PHB1: variants seen among roughly 807,000 people sequenced by gnomAD.
PHB1 encodes prohibitin 1.
the PHB1 span, chr17:49,409,244 C>T: frequency 6.3e-7 from 1 of 1,588,892 alleles, no homozygotes. Context: ...CACATCCCAA[C>T]CAACCCACTG....
chr17:49,413,960 G>C, the PHB1 span, among the ~76,000 whole-genome samples: 2 of 151,972 alleles, frequency 1.3e-5, no homozygotes, highest in Non-Finnish European at 2.9e-5. Flanking sequence ...CCCAAAAAGA[G>C]GCTGTGAGGT....
the PHB1 span, chr17:49,414,172 A>G: frequency 6.6e-6 from 1 of 152,188 alleles, no homozygotes; most frequent in South Asian, 2.1e-4. Context: ...TGAGAAGCCG[A>G]GATTGCAGTT....
chr17:49,409,519 T>C, the PHB1 span: 3 of 1,469,816 alleles, frequency 2.0e-6, no homozygotes, highest in Non-Finnish European at 1.9e-6. Context: ...AAAACCACTG[T>C]AGGAAAACAA....
chr17:49,404,912 G>A, the PHB1 span: 2 of 903,626 alleles, frequency 2.2e-6, no homozygotes, highest in Non-Finnish European at 3.5e-6. Flanking sequence ...TTTCTGGGGT[G>A]GGAGCAGAAG....
the PHB1 span, chr17:49,411,565 G>A: frequency 2.3e-6 from 2 of 882,914 alleles, no homozygotes; most frequent in Non-Finnish European, 3.6e-6. Context: ...TTCCTATGAT[G>A]TACAGTTCAA....
the PHB1 span, chr17:49,404,677 C>T: frequency 9.7e-6 from 4 of 410,796 alleles, no homozygotes; most frequent in South Asian, 2.1e-5. Context: ...GCCCCGCCTG[C>T]GTGCTGCCAA....
chr17:49,409,487 A>G, the PHB1 span: 3 of 1,610,428 alleles, frequency 1.9e-6, no homozygotes, highest in Non-Finnish European at 2.5e-6. Flanking sequence ...AGGGTAGGGG[A>G]CAAACACTGG....
chr17:49,413,155 C>T, the PHB1 span: 12 of 1,550,588 alleles, frequency 7.7e-6, no homozygotes, highest in Admixed American at 6.7e-5. Context: ...GTGCAGTGAC[C>T]CACTGTCCCT....
the PHB1 span, among the ~76,000 whole-genome samples, chr17:49,411,501 A>G: frequency 3.9e-5 from 6 of 152,140 alleles, no homozygotes; most frequent in African/African-American, 1.4e-4. Context: ...CCCAGCCATA[A>G]GTGGGTATTT....
the PHB1 span, chr17:49,412,997 G>T: frequency 1.8e-6 from 1 of 563,418 alleles, no homozygotes; most frequent in Non-Finnish European, 3.2e-6. Flanking sequence ...ACCTATGACT[G>T]AAAGGTCAGG....
chr17:49,411,879 C>A, the PHB1 span: 1 of 1,591,460 alleles, frequency 6.3e-7, no homozygotes. Context: ...AAAATCCTCT[C>A]ATCCTTTAAA....
the PHB1 span, chr17:49,409,549 T>TG: frequency 3.1e-6 from 3 of 954,614 alleles, no homozygotes; most frequent in Admixed American, 2.8e-5. Flanking sequence ...TTTTGTTTTT[T>TG]TTTTTTTTTG....
chr17:49,414,070 G>C, the PHB1 span, among the ~76,000 whole-genome samples: 5 of 152,110 alleles, frequency 3.3e-5, no homozygotes, highest in Non-Finnish European at 7.4e-5. Context: ...ACTTATATCA[G>C]GTAGCCTAAT....
the PHB1 span, chr17:49,408,650 C>G: frequency 6.0e-6 from 1 of 166,170 alleles, no homozygotes; most frequent in Non-Finnish European, 1.3e-5. Context: ...AGGAAGCTCC[C>G]AGGAGTCAGG....
chr17:49,411,691 G>A, the PHB1 span: 2 of 1,613,898 alleles, frequency 1.2e-6, no homozygotes, highest in African/African-American at 1.3e-5. Context: ...TGCTACCAGT[G>A]ATGACTGGCA....
chr17:49,409,421 G>A, the PHB1 span: 1 of 1,614,156 alleles, frequency 6.2e-7, no homozygotes, highest in South Asian at 1.1e-5. Flanking sequence ...GAGGAAGCTG[G>A]CTGGCGACAG....
the PHB1 span, among the ~76,000 whole-genome samples, chr17:49,410,826 C>T: frequency 1.3e-5 from 2 of 152,190 alleles, no homozygotes; most frequent in Admixed American, 6.5e-5. Context: ...AGAAAACAGA[C>T]GTAAAAGCAC....
the PHB1 span, among the ~76,000 whole-genome samples, chr17:49,413,520 T>C: frequency 2.6e-5 from 4 of 151,258 alleles, no homozygotes; most frequent in African/African-American, 9.7e-5. Flanking sequence ...TCCTTTTTTT[T>C]TTTTTGGAGA....
the PHB1 span, chr17:49,409,325 A>G: frequency 1.2e-6 from 2 of 1,613,818 alleles, no homozygotes; most frequent in African/African-American, 2.7e-5. Flanking sequence ...GCCCCTGTTC[A>G]CTCACCACCA....
Sources: allele counts gnomAD v4.1 joint callset (sites outside exome capture counted in the v4.1 genomes callset), GRCh38; gene constraint gnomAD v4.1.1; transcripts MANE v1.5; gene names NCBI Gene and HGNC (gene_info 2026-07-23, HGNC 2026-07-21).